COL9A1: variants seen among roughly 807,000 people sequenced by gnomAD.
COL9A1 encodes collagen type IX alpha 1 chain.
In COL9A1, 104 loss-of-function variants were observed where a neutral mutation model predicts 142.6. The ratio of observed to expected loss-of-function variants is 0.73; its 90% CI spans 0.62 to 0.86. The LOEUF (loss-of-function observed/expected upper bound fraction) is 0.86. Ranked by LOEUF, COL9A1 falls within the 40% of genes least tolerant of loss-of-function variation. COL9A1 has a pLI of 0.00. For synonymous variants in COL9A1, 466 were observed against 396.0 expected (o/e 1.18, Z -2.10); for missense variants, 1,210 against 1,176.6 (o/e 1.03, Z -0.42).
At chr6:70,295,458 T>C (rs1773818520) in intron 4 of COL9A1, among the ~76,000 whole-genome samples, 1 of 151,888 alleles carries the variant, frequency 6.6e-6, no homozygotes, top group Admixed American at 6.6e-5. Flanking sequence ...GGCTAATTTT[T>C]TGTATTTTTA....
intron 5 of COL9A1, among the ~76,000 whole-genome samples, chr6:70,288,350 C>T (rs1773532568): frequency 6.6e-6 from 1 of 152,188 alleles, no homozygotes; most frequent in Admixed American, 6.5e-5. Flanking sequence ...TAAACCAAGG[C>T]TGTCTCTGCC....
At chr6:70,258,274 G>A (rs1771455749) in intron 20 of COL9A1, among the ~76,000 whole-genome samples, 1 of 152,184 alleles carries the variant, frequency 6.6e-6, no homozygotes, top group Admixed American at 6.5e-5. Context: ...ACCAAGTTGA[G>A]ATGAGAAGAT....
At chr6:70,269,828 T>C (rs137874061) in intron 15 of COL9A1, among the ~76,000 whole-genome samples, 163 bp from the exon 16 acceptor site, 158 of 152,330 alleles carry the variant, frequency 1.0e-3, no homozygotes, top group Non-Finnish European at 1.7e-3. Flanking sequence ...CTCATGGGCA[T>C]GTTCTCTTTG....
chr6:70,242,840 A>T, intron 28 of COL9A1, 125 bp from the exon 29 acceptor site: 1 of 810,856 alleles, frequency 1.2e-6, no homozygotes, highest in Non-Finnish European at 2.1e-6. Flanking sequence ...GCCATCCTAC[A>T]TAGTGCCTAC....
intron 5 of COL9A1, among the ~76,000 whole-genome samples, chr6:70,289,600 T>G (rs1049122055): frequency 2.0e-5 from 3 of 152,174 alleles, no homozygotes; most frequent in Admixed American, 2.0e-4. Flanking sequence ...TTTAATCAAA[T>G]CAAAATTTTA....
At chr6:70,280,409 G>A (rs1285044056) in intron 10 of COL9A1, 1 of 1,189,388 alleles carries the variant, frequency 8.4e-7, no homozygotes, top group Non-Finnish European at 1.0e-6. Flanking sequence ...AAGAGCAAGG[G>A]CGAAGGCTAG....
intron 5 of COL9A1, among the ~76,000 whole-genome samples, chr6:70,288,968 G>C (rs189182115): frequency 6.4e-4 from 98 of 152,278 alleles, no homozygotes; most frequent in African/African-American, 2.3e-3. Context: ...TAACTTAGCA[G>C]ATGTTTAATA....
intron 26 of COL9A1, 186 bp downstream of exon 26, chr6:70,253,199 C>T (rs963066268): frequency 2.0e-6 from 1 of 506,430 alleles, no homozygotes; most frequent in Non-Finnish European, 3.6e-6. Context: ...AGCATTTTGT[C>T]AAAGTATGCT....
intron 12 of COL9A1, among the ~76,000 whole-genome samples, 198 bp from the exon 13 acceptor site, chr6:70,272,286 C>T (rs1043819601): frequency 6.6e-6 from 1 of 151,922 alleles, no homozygotes; most frequent in Non-Finnish European, 1.5e-5. Context: ...GCTCCTCTAA[C>T]ATTCCTTTGC....
At chr6:70,281,265 T>C (rs1583325519) in intron 8 of COL9A1, 125 bp downstream of exon 8, 3 of 930,582 alleles carry the variant, frequency 3.2e-6, no homozygotes, top group African/African-American at 3.6e-5. Context: ...TGCCTTTAAG[T>C]GGGGTGGCAG....
chr6:70,269,762 ATT>A (rs1271731609), intron 15 of COL9A1, 97 bp from the exon 16 acceptor site: 2 of 751,862 alleles, frequency 2.7e-6, no homozygotes, highest in African/African-American at 3.5e-5. Context: ...TATAAAATAT[ATT>A]TGTTTAATAA....
rs201520437 is a variant in COL9A1 at position 70,217,045 on chromosome 6, C to G, written c.2618G>C (p.Arg873Pro). The part of the protein sequence containing the change: ...PGPASYGRNG[R>P]DGERGPPGVA... ...CCCTGGGGGGCCTCGCTCACCGTCT[C>G]GGCCATTTCTGCCATAGCTGGCAGG... The change falls in exon 38 of 38, where the codon CGA (arginine) becomes CCA (proline). Residue 873 changes from arginine to proline, a missense_variant. Transcript: ENST00000357250. 8.1e-6 allele frequency: 13 copies of G among 1,614,192 alleles called. No individual in the cohort carries two copies. The highest frequency in any genetic ancestry group is 1.1e-5 in the Non-Finnish European group (13 of 1,180,036).
chr6:70,271,595 C>T, intron 14 of COL9A1, 60 bp downstream of exon 14: 1 of 1,510,656 alleles, frequency 6.6e-7, no homozygotes, highest in Non-Finnish European at 9.2e-7. Context: ...AATTTGCTTT[C>T]CCAAATAACA....
At chr6:70,280,441 G>A (rs893521940) in intron 10 of COL9A1, 3 of 1,212,576 alleles carry the variant, frequency 2.5e-6, no homozygotes, top group Admixed American at 4.0e-5. Flanking sequence ...CTGCCAGTGG[G>A]CTCACAGCAG....
chr6:70,300,465 T>G (rs1774023748), intron 2 of COL9A1, 79 bp from the exon 3 acceptor site: 2 of 548,312 alleles, frequency 3.6e-6, no homozygotes, highest in South Asian at 1.0e-4. Context: ...AATAAAATAA[T>G]AATAATAATA....
At chr6:70,258,105 CT>C (rs1392599460) in intron 20 of COL9A1, among the ~76,000 whole-genome samples, 2 of 152,168 alleles carry the variant, frequency 1.3e-5, no homozygotes, top group African/African-American at 4.8e-5. Flanking sequence ...ACACTATCAC[CT>C]CTTTATTTTC....
chr6:70,293,854 G>A (rs1377049354), intron 5 of COL9A1, among the ~76,000 whole-genome samples: 1 of 152,020 alleles, frequency 6.6e-6, no homozygotes, highest in Non-Finnish European at 1.5e-5. Flanking sequence ...TGGGATTCTT[G>A]ACTAACTGAA....
intron 18 of COL9A1, among the ~76,000 whole-genome samples, chr6:70,263,710 A>T: frequency 6.6e-6 from 1 of 151,432 alleles, no homozygotes; most frequent in Non-Finnish European, 1.5e-5. Context: ...TACTATGAAA[A>T]CTTTTTTGTA....
intron 33 of COL9A1, among the ~76,000 whole-genome samples, chr6:70,237,774 G>C (rs1338866009): frequency 1.3e-5 from 2 of 152,160 alleles, no homozygotes; most frequent in Admixed American, 6.5e-5. Flanking sequence ...TGAAACTTGA[G>C]ACATAGTGTT....
Sources: allele counts gnomAD v4.1 joint callset (sites outside exome capture counted in the v4.1 genomes callset), GRCh38; gene constraint gnomAD v4.1.1; transcripts MANE v1.5; gene names NCBI Gene and HGNC (gene_info 2026-07-23, HGNC 2026-07-21).